Variants in PRMT8 observed in about 807,000 individuals in gnomAD.
The protein encoded by PRMT8 is protein arginine methyltransferase 8, also known as protein arginine N-methyltransferase 8.
In PRMT8, 7 loss-of-function variants were observed where a neutral mutation model predicts 47.1. That is an observed-to-expected ratio of 0.15 (90% CI 0.08 to 0.28). PRMT8 has a LOEUF of 0.28. Among genes scored for constraint, PRMT8 ranks in the 10% least tolerant of loss-of-function variants. The pLI is 1.00. For synonymous variants in PRMT8, 188 were observed against 186.5 expected (o/e 1.01, Z -0.07); for missense variants, 237 against 505.4 (o/e 0.47, Z 5.09).
At chr12:3,440,418 C>T (rs761218844) in intron 1 of PRMT8, among the ~76,000 whole-genome samples, 16 of 152,018 alleles carry the variant, frequency 1.1e-4, no homozygotes, top group African/African-American at 3.9e-4. Flanking sequence ...GCCAAGATCG[C>T]GCCACTGCAC....
At chr12:3,549,093 A>G (rs1436266726) in intron 2 of PRMT8, among the ~76,000 whole-genome samples, 1 of 152,236 alleles carries the variant, frequency 6.6e-6, no homozygotes, top group Non-Finnish European at 1.5e-5. Context: ...GATAGAAATC[A>G]GATCATTTGT....
In PRMT8 at chr12:3,577,086, T is replaced by A. The variant is rs988098051; in HGVS notation, c.828+100T>A. On this transcript the variant is annotated intron_variant, in intron 7 of 9. Transcript: ENST00000382622. The stretch of plus-strand genomic sequence containing the variant: ...CGGCTCCTGCACAGCCCCCACCTGG[T>A]GAGGCAAGGCTGCCTTGGCCAGAGC... The A allele has an allele frequency of 5.8e-4, 587 of 1,006,540 alleles. 1 individual carries two copies. Among genetic ancestry groups the A allele is most frequent in the Non-Finnish European group, 5.8e-4 (374 of 650,072 alleles). The allele number at this position is 1,006,540 out of a possible 1,614,324, so 62.4% of individuals were successfully genotyped here. A position where few individuals can be genotyped will look rare whatever the true frequency, so the allele number is the denominator to read the frequency against.
At chr12:3,395,768 G>T (rs1266877380) in intron 1 of PRMT8, among the ~76,000 whole-genome samples, 1 of 150,274 alleles carries the variant, frequency 6.7e-6, no homozygotes, top group Non-Finnish European at 1.5e-5. Context: ...GGGTATCCTT[G>T]TTGACTTTCT....
At chr12:3,468,349 T>C (rs11615858) in intron 1 of PRMT8, among the ~76,000 whole-genome samples, 9,154 of 152,258 alleles carry the variant, frequency 0.06, 383 homozygotes, top group Non-Finnish European at 0.085. Flanking sequence ...GTTTGATAGT[T>C]CTGCGATGTG....
In PRMT8 at chr12:3,473,728, C is replaced by A. The variant is rs1254649069; in HGVS notation, c.49-66878C>A. 4.6e-5 allele frequency among the ~76,000 whole-genome samples: 7 copies of A among 152,268 alleles called. No individual in the cohort carries two copies. The South Asian group carries it at 1.5e-3, about 32-fold the overall frequency. On this transcript the variant is annotated intron_variant, in intron 1 of 9. Coordinates refer to the PRMT8 transcript ENST00000452611. ...CCAAATCCTCTCCTTTATTCTGCTC[C>A]TTTATTGCCTATCTTGGTAAATATT...
intron 1 of PRMT8, among the ~76,000 whole-genome samples, chr12:3,418,625 G>A (rs1201820472): frequency 2.0e-5 from 3 of 152,202 alleles, no homozygotes; most frequent in Non-Finnish European, 4.4e-5. Flanking sequence ...GTGTGTGGAG[G>A]CGGGGATTAC....
intron 1 of PRMT8, among the ~76,000 whole-genome samples, chr12:3,424,589 A>G (rs1251360189): frequency 6.6e-6 from 1 of 152,094 alleles, no homozygotes; most frequent in Non-Finnish European, 1.5e-5. Context: ...CTTTACTTGT[A>G]TCATTTACGA....
intron 1 of PRMT8, among the ~76,000 whole-genome samples, chr12:3,484,290 C>A (rs1318883634): frequency 6.6e-6 from 1 of 152,252 alleles, no homozygotes; most frequent in Middle Eastern, 3.4e-3. Flanking sequence ...AATGAAATGG[C>A]AAACAGAAGG....
chr12:3,392,527 C>G (rs1418973602), intron 1 of PRMT8, among the ~76,000 whole-genome samples: 2 of 151,414 alleles, frequency 1.3e-5, no homozygotes. Flanking sequence ...CATGTCCCTA[C>G]AAAGGACATG....
intron 1 of PRMT8, among the ~76,000 whole-genome samples, chr12:3,496,214 A>ATTTTTTTTTTTTTTTTT (rs1555085718): frequency 1.8e-4 from 5 of 27,776 alleles, no homozygotes; most frequent in Non-Finnish European, 3.2e-4. Flanking sequence ...ATATATATAT[A>ATTTTTTTTTTTTTTTTT]TTTTTTTTTT....
At chr12:3,589,710 C>T (rs1026583363) in intron 8 of PRMT8, among the ~76,000 whole-genome samples, 5 of 152,162 alleles carry the variant, frequency 3.3e-5, no homozygotes, top group African/African-American at 4.8e-5. Flanking sequence ...TGTTCTTAAC[C>T]CTTTGATGTT....
rs1341575093 is a variant in PRMT8 at position 3,593,222 on chromosome 12, T to C, written c.*40T>C. On this transcript the variant is annotated 3_prime_UTR_variant, in exon 10 of 10. Coordinates refer to ENST00000382622, the MANE Select transcript of PRMT8 (RefSeq NM_019854.5). The surrounding 1 kb of genome is among the most constrained non-coding windows in gnomAD (Gnocchi z 4.8). Reference sequence around the variant, plus strand: ...TGCAGAGAGCAACGAGAAAAGGAACTCTCACCTCGATCTGCCGTGCCGTCC... The same window carrying C: ...TGCAGAGAGCAACGAGAAAAGGAACCCTCACCTCGATCTGCCGTGCCGTCC... 4.6e-6 allele frequency: 7 copies of C among 1,532,516 alleles called. No homozygotes were observed. The highest frequency in any genetic ancestry group is 6.3e-6 in the Non-Finnish European group (7 of 1,109,894). 94.9% of individuals were successfully genotyped at this position (1,532,516 alleles called of 1,614,324 possible).
In PRMT8 at chr12:3,558,948, G is replaced by GGCTATCTATCTACCTATCTA. The variant is rs1276847106; in HGVS notation, c.481+5234_481+5235insGCTATCTATCTACCTATCTA. 9.3e-4 allele frequency among the ~76,000 whole-genome samples: 105 copies of GGCTATCTATCTACCTATCTA among 112,694 alleles called. 1 individual carries two copies. Among genetic ancestry groups the GGCTATCTATCTACCTATCTA allele is most frequent in the African/African-American group, 4.0e-3 (96 of 24,036 alleles). The allele number at this position is 112,694 out of a possible 152,430, so 73.9% of individuals were successfully genotyped here. On this transcript the variant is annotated intron_variant, in intron 4 of 9. Coordinates refer to ENST00000382622, the MANE Select transcript of PRMT8 (RefSeq NM_019854.5). ...TTATTCACCAAACTAACATTTATCTGTCTATCTATCTACCTATCTATCTAT... is the reference window on the plus strand; with the variant it reads ...TTATTCACCAAACTAACATTTATCTGGCTATCTATCTACCTATCTATCTATCTATCTACCTATCTATCTAT...
In PRMT8 at chr12:3,593,469, G is replaced by A. The variant is rs574967859; in HGVS notation, c.*287G>A. ...GCCCCGAGGGTGGAAACGTATTCGC[G>A]TCTCCCCGTCTCCTCCTTAACTGTG... On this transcript the variant is annotated 3_prime_UTR_variant, in exon 10 of 10. Coordinates refer to ENST00000382622, the MANE Select transcript of PRMT8 (RefSeq NM_019854.5). The surrounding 1 kb of genome is among the most constrained non-coding windows in gnomAD (Gnocchi z 4.8). 18 of 407,516 alleles carry A rather than the reference G, an allele frequency of 4.4e-5. No individual in the cohort carries two copies. The highest frequency in any genetic ancestry group is 7.0e-4 in the Middle Eastern group (1 of 1,424). The allele number at this position is 407,516 out of a possible 1,614,324, so 25.2% of individuals were successfully genotyped here.
At chr12:3,498,800 G>C (rs1027095526) in intron 1 of PRMT8, among the ~76,000 whole-genome samples, 1 of 152,112 alleles carries the variant, frequency 6.6e-6, no homozygotes, top group Non-Finnish European at 1.5e-5. Context: ...TACCCTCCTA[G>C]GTCTGCTGTA....
rs1006234634 is a variant in PRMT8 at position 3,434,281 on chromosome 12, G to A, written c.48+52839G>A. 2.0e-4 allele frequency among the ~76,000 whole-genome samples: 30 copies of A among 152,264 alleles called. No homozygotes were observed. In the South Asian group the frequency reaches 2.7e-3, roughly 14 times the overall value. ...CCAGAGAAACCCCTGCATTGAGCTCGTTTTTCTGAGGGCTACTAGGCACAA... is the reference window on the plus strand; with the variant it reads ...CCAGAGAAACCCCTGCATTGAGCTCATTTTTCTGAGGGCTACTAGGCACAA... On this transcript the variant is annotated intron_variant, in intron 1 of 9. Coordinates refer to the PRMT8 transcript ENST00000452611.
chr12:3,555,786 T>C (rs1409566274), intron 4 of PRMT8, among the ~76,000 whole-genome samples: 1 of 118,514 alleles, frequency 8.4e-6, no homozygotes, highest in Admixed American at 7.9e-5. Context: ...GCACAGGACC[T>C]GAGGGTGCAT....
rs970561840 is a variant in PRMT8, at chr12:3,570,834, T to G, written c.712+1270T>G. ...AAACCGTCTCTGGTTGCTGTCTGCC[T>G]CCAGCCAATCTGGTGTGATTTCCAC... On this transcript the variant is annotated intron_variant, in intron 6 of 9. Transcript: ENST00000382622. The surrounding 1 kb of genome is among the most constrained non-coding windows in gnomAD (Gnocchi z 5.5). Among the ~76,000 whole-genome samples, 6 of 152,184 alleles carry G rather than the reference T, an allele frequency of 3.9e-5. No homozygotes were observed. Among genetic ancestry groups the G allele is most frequent in the Non-Finnish European group, 7.3e-5 (5 of 68,036 alleles).
At chr12:3,421,102 CT>C (rs1401512140) in intron 1 of PRMT8, among the ~76,000 whole-genome samples, 2 of 152,214 alleles carry the variant, frequency 1.3e-5, no homozygotes, top group Non-Finnish European at 2.9e-5. Context: ...CCTCCCACTC[CT>C]CCTCCTCCAT....
Sources: allele counts gnomAD v4.1 joint callset (sites outside exome capture counted in the v4.1 genomes callset), GRCh38; gene constraint gnomAD v4.1.1; non-coding constraint Gnocchi (gnomAD v3.1); transcripts MANE v1.5; gene names NCBI Gene and HGNC (gene_info 2026-07-23, HGNC 2026-07-21).